Variants in TTC23L observed in about 807,000 individuals in gnomAD.
TTC23L encodes tetratricopeptide repeat protein 23-like.
In TTC23L, 42 loss-of-function variants were observed where a neutral mutation model predicts 48.1. That is an observed-to-expected ratio of 0.87 (90% CI 0.68 to 1.13). The LOEUF (loss-of-function observed/expected upper bound fraction) is 1.13. Ranked by LOEUF, TTC23L falls within the 50% of genes most tolerant of loss-of-function variation. The pLI is 0.00. For missense variants in TTC23L, 391 were observed against 421.0 expected, an observed-to-expected ratio of 0.93 and a Z score of 0.62; for synonymous variants, 159 against 157.2, an observed-to-expected ratio of 1.01 and a Z score of -0.09.
At chr5:34,916,006 T>TA in the TTC23L span, 9 of 1,311,008 alleles carry the variant, frequency 6.9e-6, no homozygotes, top group South Asian at 1.4e-4. Context: ...GCCCGGGTGT[T>TA]AACGGTAGGT....
chr5:34,886,805 C>T (rs1169997605), intron 9 of TTC23L, among the ~76,000 whole-genome samples: 3 of 152,178 alleles, frequency 2.0e-5, no homozygotes, highest in African/African-American at 7.2e-5. Context: ...GAGTAACACC[C>T]TAATCTTGAA....
intron 2 of TTC23L, among the ~76,000 whole-genome samples, chr5:34,844,058 C>T (rs1402572915): frequency 6.6e-6 from 1 of 152,162 alleles, no homozygotes; most frequent in East Asian, 1.9e-4. Flanking sequence ...TATTGCTACT[C>T]CAGTGAAAGA....
At chr5:34,915,014 C>T in the TTC23L span, 4 of 1,068,054 alleles carry the variant, frequency 3.7e-6, no homozygotes, top group Non-Finnish European at 5.4e-6. Context: ...GTCCGGCGAG[C>T]TCCACCTGCG....
the TTC23L span, chr5:34,923,352 T>C: frequency 2.7e-6 from 2 of 750,296 alleles, no homozygotes; most frequent in Non-Finnish European, 4.5e-6. Context: ...CAATCTTGGC[T>C]CACTGCAACC....
At chr5:34,913,397 T>G in the TTC23L span, 1 of 834,422 alleles carries the variant, frequency 1.2e-6, no homozygotes, top group Non-Finnish European at 1.8e-6. Context: ...ATGTTTATGT[T>G]CCAAATAACT....
At chr5:34,896,874 TG>T in exon 10 of TTC23L, 1 of 719,050 alleles carries the variant, frequency 1.4e-6, no homozygotes, top group South Asian at 1.5e-5. Context: ...TATGGAGGAA[TG>T]GTAAGTACTT....
downstream of TTC23L, among the ~76,000 whole-genome samples, chr5:34,900,727 A>G (rs564812497): frequency 7.2e-5 from 11 of 152,270 alleles, no homozygotes; most frequent in Non-Finnish European, 7.3e-5. Flanking sequence ...GGCACTTCAT[A>G]TGGGTCCCAT....
chr5:34,855,268 G>A (rs1420810380), intron 4 of TTC23L, among the ~76,000 whole-genome samples: 1 of 150,374 alleles, frequency 6.7e-6, no homozygotes, highest in Non-Finnish European at 1.5e-5. Context: ...CTGGAAAGGA[G>A]AAGGGTACAT....
At chr5:34,915,685 A>C in the TTC23L span, 2 of 1,529,230 alleles carry the variant, frequency 1.3e-6, no homozygotes, top group Non-Finnish European at 8.8e-7. Context: ...GATCGGAAAT[A>C]GGAGCGAGCG....
At chr5:34,914,863 G>C in the TTC23L span, 1 of 1,614,070 alleles carries the variant, frequency 6.2e-7, no homozygotes, top group South Asian at 1.1e-5. Flanking sequence ...GATCATCCTC[G>C]TCTTGGATCT....
intron 9 of TTC23L, among the ~76,000 whole-genome samples, chr5:34,891,840 T>C (rs971104900): frequency 3.3e-5 from 5 of 152,218 alleles, no homozygotes; most frequent in African/African-American, 1.2e-4. Context: ...AAAAGATTCA[T>C]AGAAGGAGGA....
intron 3 of TTC23L, among the ~76,000 whole-genome samples, chr5:34,848,409 T>C (rs1759392822): frequency 6.6e-6 from 1 of 152,236 alleles, no homozygotes; most frequent in Admixed American, 6.5e-5. Context: ...GTGTTACACC[T>C]GTGTGTACTG....
At chr5:34,850,420 T>G in intron 4 of TTC23L, 112 bp downstream of exon 4, 1 of 1,300,794 alleles carries the variant, frequency 7.7e-7, no homozygotes, top group Non-Finnish European at 1.1e-6. Context: ...TGCCCCTAGC[T>G]CACACATTAT....
chr5:34,866,106 C>T (rs1042905668), intron 6 of TTC23L, among the ~76,000 whole-genome samples: 2 of 152,138 alleles, frequency 1.3e-5, no homozygotes, highest in Non-Finnish European at 2.9e-5. Flanking sequence ...AGATAAACCT[C>T]AATGAGATAT....
chr5:34,888,536 A>T (rs932648088), intron 9 of TTC23L: 2 of 985,156 alleles, frequency 2.0e-6, no homozygotes, highest in Admixed American at 1.2e-4. Flanking sequence ...CCTGTGGCAG[A>T]GGTGAGTTCT....
intron 4 of TTC23L, among the ~76,000 whole-genome samples, chr5:34,852,834 T>G (rs999343941): frequency 2.0e-5 from 3 of 152,178 alleles, no homozygotes; most frequent in Non-Finnish European, 2.9e-5. Context: ...CAGTTTCATG[T>G]GGCTTGTGAG....
intron 9 of TTC23L, among the ~76,000 whole-genome samples, chr5:34,889,797 T>C (rs927418115): frequency 7.9e-5 from 12 of 152,152 alleles, no homozygotes; most frequent in African/African-American, 2.9e-4. Flanking sequence ...GATATACTTT[T>C]TCTGATTTAT....
At position 34,863,062 on chromosome 5, in the gene TTC23L, T is replaced by C. The variant is rs1178228510; in HGVS notation, c.536+8T>C. ...CTGGCTCCTGCAGAACCGATATCCTTCCATTCCTAGCTGCGTTTAGTGTTC... is the reference window on the plus strand; with the variant it reads ...CTGGCTCCTGCAGAACCGATATCCTCCCATTCCTAGCTGCGTTTAGTGTTC... On this transcript the variant is annotated splice_region_variant and intron_variant, in intron 5 of 10. Coordinates refer to ENST00000505624, the Ensembl canonical transcript of TTC23L. This position sits in a 1 kb window ranked among gnomAD's most constrained non-coding sequence, Gnocchi z 4.1. 6.2e-7 allele frequency: 1 copy of C among 1,613,770 alleles called. No individual in the cohort carries two copies. Among genetic ancestry groups the C allele is most frequent in the South Asian group, 1.1e-5 (1 of 91,058 alleles).
chr5:34,914,166 C>A, the TTC23L span: 2 of 314,784 alleles, frequency 6.4e-6, no homozygotes, highest in Non-Finnish European at 1.3e-5. Context: ...AACAAAAATT[C>A]TATTACAACC....
Sources: gnomAD v4.1 joint callset for allele counts (sites outside exome capture counted in the v4.1 genomes callset) on GRCh38, gnomAD v4.1.1 for gene constraint, Gnocchi (gnomAD v3.1) non-coding constraint, MANE v1.5 for transcripts, NCBI Gene and HGNC (gene_info 2026-07-23, HGNC 2026-07-21) for gene names.